USH2A: variants seen among roughly 807,000 people sequenced by gnomAD.
USH2A encodes Usher syndrome 2A (autosomal recessive, mild).
In USH2A, 443 loss-of-function variants were observed where a neutral mutation model predicts 538.9. That is an observed-to-expected ratio of 0.82 (90% confidence interval 0.76 to 0.89). The LOEUF (loss-of-function observed/expected upper bound fraction) is 0.89, where lower values mean the gene tolerates loss of function less well. Among genes scored for constraint, USH2A ranks in the 40% least tolerant of loss-of-function variants. The probability of loss-of-function intolerance (pLI) is 0.00; values close to 1 mark genes in which losing one functional copy is unlikely to be tolerated. For synonymous variants in USH2A, 2,413 were observed against 2,273.5 expected, an observed-to-expected ratio of 1.06 and a Z score of -1.75; for missense variants, 6,633 against 6,324.8, an observed-to-expected ratio of 1.05 and a Z score of -1.65.
rs1463684062 is a variant in USH2A, at chr1:216,175,334, C to T, written c.4545G>A (p.Thr1515=). 1.9e-6 allele frequency: 3 copies of T among 1,613,770 alleles called. No individual in the cohort carries two copies. Among genetic ancestry groups the T allele is most frequent in the South Asian group, 1.1e-5 (1 of 91,072 alleles). Residue 1515 remains threonine, a synonymous_variant, in exon 21 of 72, where the codon ACG becomes ACA. Transcript: ENST00000307340. ...CTATGAAACGGATTCCTTTCATCAT[C>T]GTGGTCATCAGAGCTGGTAGAGATG... is the stretch of plus-strand genomic sequence containing the variant. ...RESSLPALMT[T]MMKGIRFIGN... is the part of the protein sequence containing the mutation.
At chr1:215,988,391 C>A (rs1055639158) in intron 35 of USH2A, among the ~76,000 whole-genome samples, 14 of 152,150 alleles carry the variant, frequency 9.2e-5, no homozygotes, top group African/African-American at 3.4e-4. Context: ...GAGTGATATG[C>A]CATTGTGTAA....
At position 215,748,137 on chromosome 1, in the gene USH2A, C is replaced by T. The variant is rs186655626; in HGVS notation, c.11390-4802G>A. Among the ~76,000 whole-genome samples the T allele has an allele frequency of 1.2e-4, 18 of 152,188 alleles. No individual in the cohort carries two copies. The East Asian group carries it at 3.3e-3, about 28-fold the overall frequency. ...GGATCTCCTGACCTCATGATCCACC[C>T]GCCTCGGCCTCCCAAGTTTTGTTTT... On this transcript the variant is annotated intron_variant, in intron 58 of 71. Coordinates refer to ENST00000307340, the MANE Select transcript of USH2A (RefSeq NM_206933.4).
Position 215,844,292 on chromosome 1 carries a change from A to G in USH2A, c.9258+2T>C, listed in dbSNP as rs1396769996. 1 of 1,613,374 alleles carries G rather than the reference A, an allele frequency of 6.2e-7. No individual in the cohort carries two copies. Among genetic ancestry groups the G allele is most frequent in the Non-Finnish European group, 8.5e-7 (1 of 1,179,650 alleles). On this transcript the variant is annotated splice_donor_variant, in intron 46 of 71. Coordinates refer to ENST00000307340, the MANE Select transcript of USH2A (RefSeq NM_206933.4). LOFTEE classifies it high-confidence loss of function. ...CTAACCATCAAAAAACAATGTTCTA[A>G]CCTGAATGTCATAGATAGTGAAGGG...
intron 27 of USH2A, among the ~76,000 whole-genome samples, chr1:216,074,261 C>A (rs943884152): frequency 6.6e-6 from 1 of 152,200 alleles, no homozygotes; most frequent in East Asian, 1.9e-4. Flanking sequence ...CAGTACTCTG[C>A]GCAGAAAACT....
chr1:216,253,531 G>A (rs1047498272), intron 11 of USH2A, among the ~76,000 whole-genome samples: 6 of 152,136 alleles, frequency 3.9e-5, no homozygotes, highest in Non-Finnish European at 8.8e-5. Context: ...TTGAAATCTA[G>A]ATAAGGCAGC....
chr1:216,278,246 T>C (rs2036707589), intron 11 of USH2A, among the ~76,000 whole-genome samples: 1 of 152,130 alleles, frequency 6.6e-6, no homozygotes, highest in Non-Finnish European at 1.5e-5. Context: ...AGATGTCAGA[T>C]GTATTCAAAC....
intron 54 of USH2A, among the ~76,000 whole-genome samples, chr1:215,781,761 T>C (rs910094867): frequency 6.6e-6 from 1 of 152,148 alleles, no homozygotes; most frequent in Non-Finnish European, 1.5e-5. Context: ...CTAAAATTGG[T>C]TGGTGAGGAA....
At chr1:215,754,324 C>T (rs1660721076) in intron 58 of USH2A, among the ~76,000 whole-genome samples, 3 of 152,096 alleles carry the variant, frequency 2.0e-5, no homozygotes, top group African/African-American at 2.4e-5. Context: ...CTAGACCTTA[C>T]CCTTTCACTA....
intron 37 of USH2A, among the ~76,000 whole-genome samples, chr1:215,951,227 G>A (rs540598209): frequency 6.6e-6 from 1 of 152,294 alleles, no homozygotes; most frequent in African/African-American, 2.4e-5. Context: ...TGCTTTGAAT[G>A]TGTCCCAGAG....
At chr1:216,168,369 A>G (rs181646149) in intron 21 of USH2A, among the ~76,000 whole-genome samples, 82 of 152,250 alleles carry the variant, frequency 5.4e-4, no homozygotes, top group African/African-American at 1.7e-3. Context: ...TATATTTGAG[A>G]CTATATAGAA....
chr1:215,848,248 T>C (rs1044296139), intron 44 of USH2A, among the ~76,000 whole-genome samples: 1 of 152,136 alleles, frequency 6.6e-6, no homozygotes, highest in South Asian at 2.1e-4. Flanking sequence ...TATGGTATAA[T>C]GCAAAGTGTA....
chr1:215,733,200 G>A (rs1403652879), intron 60 of USH2A, among the ~76,000 whole-genome samples: 5 of 141,618 alleles, frequency 3.5e-5, no homozygotes, highest in Non-Finnish European at 6.0e-5. Flanking sequence ...GAGGTGGCGG[G>A]GGGGCGGGGG....
At chr1:215,918,252 T>C (rs1453659813) in intron 38 of USH2A, among the ~76,000 whole-genome samples, 1 of 152,084 alleles carries the variant, frequency 6.6e-6, no homozygotes, top group Non-Finnish European at 1.5e-5. Flanking sequence ...TACTTAAATG[T>C]GGGGTGTCTG....
chr1:215,836,198 C>T (rs916622683), intron 47 of USH2A, among the ~76,000 whole-genome samples: 1 of 151,638 alleles, frequency 6.6e-6, no homozygotes, highest in Admixed American at 6.6e-5. Flanking sequence ...ACCCACCTAA[C>T]TATAATTCTT....
intron 21 of USH2A, among the ~76,000 whole-genome samples, chr1:216,149,652 T>G (rs1293686092): frequency 8.5e-5 from 13 of 152,102 alleles, no homozygotes; most frequent in Admixed American, 7.9e-4. Context: ...CCCTCTAGGC[T>G]ACTATCTTCC....
intron 25 of USH2A, 71 bp from the exon 26 acceptor site, chr1:216,083,657 A>G: frequency 8.0e-6 from 12 of 1,498,794 alleles, no homozygotes; most frequent in Non-Finnish European, 1.1e-5. Flanking sequence ...GGGTGCTAAG[A>G]AACTCTAGGA....
At chr1:215,726,916 C>T (rs1659836185) in intron 61 of USH2A, among the ~76,000 whole-genome samples, 1 of 152,166 alleles carries the variant, frequency 6.6e-6, no homozygotes, top group Non-Finnish European at 1.5e-5. Context: ...TCAACTGCTT[C>T]TCATTCTTTT....
At chr1:215,634,801 A>G in intron 69 of USH2A, 98 bp from the exon 70 acceptor site, 1 of 1,595,452 alleles carries the variant, frequency 6.3e-7, no homozygotes, top group Non-Finnish European at 8.6e-7. Flanking sequence ...GAGGAGTTGA[A>G]AGCAGAAAGC....
chr1:215,798,527 T>C (rs1029902901), intron 50 of USH2A, among the ~76,000 whole-genome samples: 5 of 152,294 alleles, frequency 3.3e-5, no homozygotes, highest in Middle Eastern at 3.4e-3. Context: ...TATTGTTATT[T>C]ATATTAGTGT....
Sources: gnomAD v4.1 joint callset for allele counts (sites outside exome capture counted in the v4.1 genomes callset) on GRCh38, gnomAD v4.1.1 for gene constraint, MANE v1.5 for transcripts, NCBI Gene and HGNC (gene_info 2026-07-23, HGNC 2026-07-21) for gene names.